GUCY2D: variants seen among roughly 807,000 people sequenced by gnomAD.
The protein encoded by GUCY2D is guanylate cyclase 2D, retinal.
A neutral mutation model predicts 101.3 loss-of-function variants in GUCY2D; 70 were observed. The ratio of observed to expected loss-of-function variants is 0.69; its 90% CI spans 0.57 to 0.84. The LOEUF is 0.84. GUCY2D is among the 40% of genes least tolerant of loss of function. GUCY2D has a pLI of 0.00. For missense variants in GUCY2D, 1,460 were observed against 1,542.5 expected, an observed-to-expected ratio of 0.95 and a Z score of 0.90; for synonymous variants, 688 against 670.7, an observed-to-expected ratio of 1.03 and a Z score of -0.40.
chr17:8,006,587 A>G lies in GUCY2D; in HGVS notation c.1251A>G (p.Thr417=). The G allele has an allele frequency of 1.2e-6, 2 of 1,613,670 alleles. No individual in the cohort carries two copies. Among genetic ancestry groups the G allele is most frequent in the Non-Finnish European group, 1.7e-6 (2 of 1,179,976 alleles). ...CGGCGGGAGACCGGCTTTTTGCCAC[A>G]TACATGCTGGATCCTGCCCGGGGCT... ...TDAAGDRLFA[T]YMLDPARGSF... is the part of the protein sequence containing the mutation. The change falls in exon 4 of 20, where the codon ACA becomes ACG. Residue 417 remains threonine, a synonymous_variant. Coordinates refer to ENST00000254854, the MANE Select transcript of GUCY2D (RefSeq NM_000180.4).
At position 8,013,737 on chromosome 17, in the gene GUCY2D, C is replaced by A. The variant is rs529232821; in HGVS notation, c.2264-143C>A. On this transcript the variant is annotated intron_variant, in intron 11 of 19. Transcript: ENST00000254854. This position sits in a 1 kb window ranked among gnomAD's most constrained non-coding sequence, Gnocchi z 5.0. ...CCTTCCACACTATACTCTCCCTCCA[C>A]ACACACACACTGAACCTCTGATGTA... 25 of 712,372 alleles carry A rather than the reference C, an allele frequency of 3.5e-5. No individual in the cohort carries two copies. The highest frequency in any genetic ancestry group is 6.0e-5 in the Non-Finnish European group (24 of 398,366). The allele number at this position is 712,372 out of a possible 1,614,324, so 44.1% of individuals were successfully genotyped here.
chr17:8,016,317 C>G, intron 18 of GUCY2D, 27 bp downstream of exon 18: 1 of 1,486,546 alleles, frequency 6.7e-7, no homozygotes, highest in Non-Finnish European at 9.2e-7. Flanking sequence ...CGCGGCAGGG[C>G]GAGGGACGAG....
Position 8,015,013 on chromosome 17 carries a change from C to A in GUCY2D, c.2731C>A (p.Leu911Ile). The A allele has an allele frequency of 6.2e-7, 1 of 1,614,056 alleles. No homozygotes were observed. The highest frequency in any genetic ancestry group is 1.3e-5 in the African/African-American group (1 of 75,042). ...GGACCTGCTCAACGATCTCTACACA[C>A]TCTTTGATGCCATCATTGGTTCCCA... ...VVDLLNDLYT[L>I]FDAIIGSHDV... The change falls in exon 14 of 20, where the codon CTC (leucine) becomes ATC (isoleucine). Residue 911 changes from leucine to isoleucine, a missense_variant. Physicochemically the swap from Leu to Ile is conservative, Grantham distance 5 (BLOSUM62 2). This residue lies in a region of GUCY2D where 49 missense variants were observed against 85.0 expected (regional missense o/e 0.58). Transcript: ENST00000254854.
chr17:8,017,652 G>A (rs1598152606), intron 19 of GUCY2D, among the ~76,000 whole-genome samples: 1 of 152,214 alleles, frequency 6.6e-6, no homozygotes, highest in African/African-American at 2.4e-5. Context: ...TTAACTAGGA[G>A]CTGCTGAGCA....
rs770266116 is a variant in GUCY2D, at chr17:8,015,979, C to A, written c.3096C>A (p.Asp1032Glu). Reference protein sequence around the residue: ...LSTVGILRALDSGYQVELRGR... With the variant: ...LSTVGILRALESGYQVELRGR... ...CTGTGGGGATTCTCCGTGCTCTGGA[C>A]TCGGGCTACCAGGTGGAGCTGCGAG... is the stretch of plus-strand genomic sequence containing the variant. Residue 1032 changes from aspartate to glutamate, a missense_variant, in exon 17 of 20, where the codon GAC becomes GAA. Asp to Glu is a conservative substitution (Grantham distance 45). Coordinates refer to ENST00000254854, the MANE Select transcript of GUCY2D (RefSeq NM_000180.4). 1.2e-6 allele frequency: 2 copies of A among 1,611,974 alleles called. No homozygotes were observed. The highest frequency in any genetic ancestry group is 2.2e-5 in the South Asian group (2 of 90,574).
Position 8,007,418 on chromosome 17 carries a change from T to G in GUCY2D, c.1464-8T>G. The G allele has an allele frequency of 6.3e-7, 1 of 1,592,732 alleles. No individual in the cohort carries two copies. The highest frequency in any genetic ancestry group is 1.1e-5 in the South Asian group (1 of 90,654). On this transcript the variant is annotated splice_region_variant and splice_polypyrimidine_tract_variant and intron_variant, in intron 5 of 19. Transcript: ENST00000254854. Reference sequence around the variant, plus strand: ...GCCCTTGGTGGAGGTGACCTCTTTCTCCACCAGGCACCGGCTACTTCACAT... The same window carrying G: ...GCCCTTGGTGGAGGTGACCTCTTTCGCCACCAGGCACCGGCTACTTCACAT...
rs56316238 is a variant in GUCY2D, at chr17:8,014,705, G to A, written c.2517G>A (p.Thr839=). The change falls in exon 13 of 20, where the codon ACG becomes ACA. Residue 839 remains threonine, a synonymous_variant. Transcript: ENST00000254854. The surrounding 1 kb of genome is among the most constrained non-coding windows in gnomAD (Gnocchi z 4.0). ...SNLEDLIRER[T]EELELEKQKT... ...TGGAGGATCTGATCCGGGAGCGCAC[G>A]GAGGAGCTGGAGCTGGAAAAGCAGA... is the stretch of plus-strand genomic sequence containing the variant. The A allele has an allele frequency of 2.6e-3, 4,261 of 1,614,068 alleles. 87 individuals carry two copies. In the African/African-American group the frequency reaches 0.047, roughly 18 times the overall value.
intron 19 of GUCY2D, chr17:8,016,946 G>A (rs1045709901): frequency 6.8e-5 from 12 of 176,474 alleles, no homozygotes; most frequent in Non-Finnish European, 1.3e-4. Context: ...GCAAGAAACT[G>A]ACCCGTGACC....
chr17:8,016,732 C>G (rs1567962763), intron 19 of GUCY2D, 178 bp downstream of exon 19: 1 of 586,628 alleles, frequency 1.7e-6, no homozygotes, highest in Non-Finnish European at 3.0e-6. Context: ...TTCAGTAGAT[C>G]TGGAGTGGTT....
chr17:8,003,353 C>A lies in GUCY2D; in HGVS notation c.306C>A (p.Pro102=). The change falls in exon 2 of 20, where the codon CCC becomes CCA. Residue 102 remains proline (P), a synonymous_variant. Coordinates refer to ENST00000254854, the MANE Select transcript of GUCY2D (RefSeq NM_000180.4). The part of the protein sequence containing the change: ...GGPRFEVALL[P]EPCRTPGSLG... ...CCCGCTTCGAGGTAGCGCTGCTGCC[C>A]GAGCCTTGCCGGACGCCGGGCTCGC... The A allele has an allele frequency of 6.8e-7, 1 of 1,469,656 alleles. No homozygotes were observed. Among genetic ancestry groups the A allele is most frequent in the Non-Finnish European group, 8.9e-7 (1 of 1,117,632 alleles). 91.0% of individuals were successfully genotyped at this position (1,469,656 alleles called of 1,614,324 possible).
At chr17:8,019,607 T>G (rs1335039677) in intron 19 of GUCY2D, among the ~76,000 whole-genome samples, 1 of 152,112 alleles carries the variant, frequency 6.6e-6, no homozygotes, top group East Asian at 1.9e-4. Context: ...AGGCAAAAGA[T>G]GAAGCCTCAG....
At position 8,016,456 on chromosome 17, in the gene GUCY2D, G is replaced by A. The variant is rs371919912; in HGVS notation, c.3238G>A (p.Gly1080Ser). 1.9e-6 allele frequency: 3 copies of A among 1,570,402 alleles called. No homozygotes were observed. Among genetic ancestry groups the A allele is most frequent in the South Asian group, 1.2e-5 (1 of 85,794 alleles). Reference sequence around the variant, plus strand: ...CCCTCCTTGCAGGTCCAGCAACCACGGCATCAGCCTGCAGGAGATCCCACC... The same window carrying A: ...CCCTCCTTGCAGGTCCAGCAACCACAGCATCAGCCTGCAGGAGATCCCACC... ...PDLQPGSSNH[G>S]ISLQEIPPER... is the part of the protein sequence containing the mutation. The change falls in exon 19 of 20, where the codon GGC becomes AGC. Residue 1080 changes from glycine to serine, a missense_variant. Transcript: ENST00000254854.
At chr17:8,005,680 C>G (rs1426554476) in intron 3 of GUCY2D, among the ~76,000 whole-genome samples, 1 of 152,180 alleles carries the variant, frequency 6.6e-6, no homozygotes, top group African/African-American at 2.4e-5. Context: ...TCAGTTTCCC[C>G]TACTTTTACT....
chr17:8,006,418 T>C lies in GUCY2D; in HGVS notation c.1082T>C (p.Val361Ala). 2 of 1,602,762 alleles carry C rather than the reference T, an allele frequency of 1.2e-6. No individual in the cohort carries two copies. Among genetic ancestry groups the C allele is most frequent in the Non-Finnish European group, 1.7e-6 (2 of 1,179,962 alleles). Reference protein sequence around the residue: ...YDAVFLLARGVAEARAAAGGR... With the variant: ...YDAVFLLARGAAEARAAAGGR... Reference sequence around the variant, plus strand: ...GCGGTCTTCTTGCTGGCAAGGGGCGTGGCAGAAGCGCGGGCTGCCGCAGGT... The same window carrying C: ...GCGGTCTTCTTGCTGGCAAGGGGCGCGGCAGAAGCGCGGGCTGCCGCAGGT... The change falls in exon 4 of 20, where the codon GTG (valine) becomes GCG (alanine). Residue 361 changes from valine (V) to alanine (A), a missense_variant. Physicochemically the swap from Val to Ala is moderately conservative, Grantham distance 64. Coordinates refer to ENST00000254854, the MANE Select transcript of GUCY2D (RefSeq NM_000180.4).
intron 19 of GUCY2D, among the ~76,000 whole-genome samples, 169 bp from the exon 20 acceptor site, chr17:8,019,959 C>T (rs997689753): frequency 6.6e-6 from 1 of 152,172 alleles, no homozygotes; most frequent in African/African-American, 2.4e-5. Flanking sequence ...CCCACACTTG[C>T]GGTTGTCCTT....
chr17:8,006,604 C>T lies in GUCY2D; in HGVS notation c.1268C>T (p.Ala423Val), dbSNP rs1975746317. Residue 423 changes from alanine to valine, a missense_variant, in exon 4 of 20, where the codon GCC (alanine) becomes GTC (valine). By Grantham distance (64) the Ala-to-Val change is moderately conservative. This residue lies in a region of GUCY2D where 1,196 missense variants were observed against 1,229.6 expected (regional missense o/e 0.97). Coordinates refer to ENST00000254854, the MANE Select transcript of GUCY2D (RefSeq NM_000180.4). ...RLFATYMLDPARGSFLSAGTR... is the reference protein window; with the variant it reads ...RLFATYMLDPVRGSFLSAGTR... ...TTTGCCACATACATGCTGGATCCTG[C>T]CCGGGGCTCCTTCCTCTCCGCCGGT... 3.1e-6 allele frequency: 5 copies of T among 1,613,058 alleles called. No individual in the cohort carries two copies. The highest frequency in any genetic ancestry group is 1.7e-4 in the Middle Eastern group (1 of 5,990).
At chr17:8,009,275 GAGGAC>G (rs750007435) in intron 7 of GUCY2D, among the ~76,000 whole-genome samples, 17 of 152,200 alleles carry the variant, frequency 1.1e-4, no homozygotes, top group Non-Finnish European at 2.4e-4. Flanking sequence ...CTGGGTTGGT[GAGGAC>G]AGCCATCCAT....
chr17:8,013,315 G>A lies in GUCY2D; in HGVS notation c.2263+63G>A. 6.6e-7 allele frequency: 1 copy of A among 1,521,634 alleles called. No individual in the cohort carries two copies. Among genetic ancestry groups the A allele is most frequent in the Non-Finnish European group, 9.1e-7 (1 of 1,101,376 alleles). The allele number at this position is 1,521,634 out of a possible 1,614,324, so 94.3% of individuals were successfully genotyped here. A position where few individuals can be genotyped will look rare whatever the true frequency, so the allele number is the denominator to read the frequency against. On this transcript the variant is annotated intron_variant, in intron 11 of 19. Coordinates refer to ENST00000254854, the MANE Select transcript of GUCY2D (RefSeq NM_000180.4). The surrounding 1 kb of genome is among the most constrained non-coding windows in gnomAD (Gnocchi z 5.0). ...GCACCCTGCAGTTAGAAAAGAGCCA[G>A]CCTCACTCTTTCCTCTAAAGCAAAG...
rs1975670624 is a variant in GUCY2D, at chr17:8,003,373, G to A, written c.326G>A (p.Gly109Asp). The A allele has an allele frequency of 6.8e-7, 1 of 1,465,552 alleles. No individual in the cohort carries two copies. The highest frequency in any genetic ancestry group is 9.0e-7 in the Non-Finnish European group (1 of 1,115,468). 90.8% of individuals were successfully genotyped at this position (1,465,552 alleles called of 1,614,324 possible). A position where few individuals can be genotyped will look rare whatever the true frequency, so the allele number is the denominator to read the frequency against. ...CTGCCCGAGCCTTGCCGGACGCCGG[G>A]CTCGCTGGGGGCCGTGTCCTCCGCG... ...ALLPEPCRTP[G>D]SLGAVSSALA... Residue 109 changes from glycine to aspartate, a missense_variant, in exon 2 of 20, where the codon GGC becomes GAC. Physicochemically the swap from Gly to Asp is moderately conservative, Grantham distance 94 (BLOSUM62 -1). This residue lies in a region of GUCY2D where 1,196 missense variants were observed against 1,229.6 expected (regional missense o/e 0.97). Transcript: ENST00000254854.
Sources: gnomAD v4.1 joint callset for allele counts (sites outside exome capture counted in the v4.1 genomes callset) on GRCh38, gnomAD v4.1.1 for gene constraint, gnomAD v4.1.1 regional missense constraint, Gnocchi (gnomAD v3.1) non-coding constraint, MANE v1.5 for transcripts, NCBI Gene and HGNC (gene_info 2026-07-23, HGNC 2026-07-21) for gene names.